GRID2: variants seen among roughly 807,000 people sequenced by gnomAD.
GRID2 encodes glutamate receptor ionotropic, delta-2.
GRID2 carries 33 observed loss-of-function variants against 114.8 expected under a neutral mutation model. The observed-to-expected ratio is 0.29, with a 90% CI of 0.22 to 0.38. GRID2 has a LOEUF of 0.38. Among genes scored for constraint, GRID2 ranks in the 10% least tolerant of loss-of-function variants. The probability of loss-of-function intolerance (pLI) is 1.00; values close to 1 mark genes in which losing one functional copy is unlikely to be tolerated. For missense variants in GRID2, 1,184 were observed against 1,257.7 expected, an observed-to-expected ratio of 0.94 and a Z score of 0.89; for synonymous variants, 505 against 449.9, an observed-to-expected ratio of 1.12 and a Z score of -1.55.
At position 92,527,031 on chromosome 4, in the gene GRID2, T is replaced by A. The variant is rs151233708; in HGVS notation, c.89-63100T>A. Among the ~76,000 whole-genome samples, 256 of 152,136 alleles carry A rather than the reference T, an allele frequency of 1.7e-3. 1 individual carries two copies. The highest frequency in any genetic ancestry group is 6.0e-3 in the African/African-American group (248 of 41,538). ...TTGTTTTGGTTTTGCTAGGTGAGTG[T>A]TTGTTAACATCAAGGGATGAGGATA... On this transcript the variant is annotated intron_variant, in intron 1 of 15. Coordinates refer to ENST00000282020, the MANE Select transcript of GRID2 (RefSeq NM_001510.4).
intron 8 of GRID2, among the ~76,000 whole-genome samples, chr4:93,328,616 A>G (rs140742938): frequency 7.9e-5 from 12 of 152,148 alleles, no homozygotes; most frequent in African/African-American, 2.9e-4. Flanking sequence ...ATTTATTCCA[A>G]ATTTCATGAG....
At chr4:92,715,155 C>T (rs1269041458) in intron 2 of GRID2, among the ~76,000 whole-genome samples, 2 of 152,156 alleles carry the variant, frequency 1.3e-5, no homozygotes, top group Non-Finnish European at 2.9e-5. Context: ...AATCATCTCT[C>T]TCAAAGTTCC....
chr4:92,383,613 TC>T (rs905151972), intron 1 of GRID2, among the ~76,000 whole-genome samples: 112 of 152,066 alleles, frequency 7.4e-4, no homozygotes, highest in African/African-American at 2.5e-3. Context: ...TGTTTTCGGA[TC>T]CTTTGTGTTG....
At chr4:92,710,669 C>T (rs1735202157) in intron 2 of GRID2, among the ~76,000 whole-genome samples, 2 of 152,160 alleles carry the variant, frequency 1.3e-5, no homozygotes, top group African/African-American at 2.4e-5. Context: ...TTCCTTGATA[C>T]ACCCTTGATA....
chr4:92,881,437 G>T (rs1415059912), intron 2 of GRID2, among the ~76,000 whole-genome samples: 1 of 152,182 alleles, frequency 6.6e-6, no homozygotes, highest in Middle Eastern at 3.4e-3. Flanking sequence ...ATACTAGAGG[G>T]TTCTCAAGGT....
intron 14 of GRID2, among the ~76,000 whole-genome samples, chr4:93,671,808 A>G (rs964588342): frequency 4.6e-5 from 7 of 151,692 alleles, no homozygotes; most frequent in African/African-American, 1.7e-4. Context: ...GTCTCTACCA[A>G]AAATACAAAA....
At chr4:93,115,504 G>C (rs183483401) in intron 4 of GRID2, among the ~76,000 whole-genome samples, 13 of 151,672 alleles carry the variant, frequency 8.6e-5, no homozygotes, top group Admixed American at 8.6e-4. Context: ...GTAACTTCTA[G>C]ATCATTCTAT....
chr4:93,795,498 C>T (rs1192457543), intron 1 of GRID2, among the ~76,000 whole-genome samples: 1 of 151,854 alleles, frequency 6.6e-6, no homozygotes, highest in Non-Finnish European at 1.5e-5. Flanking sequence ...GAACATGGTC[C>T]TTCAATTTAA....
At position 93,435,734 on chromosome 4, in the gene GRID2, A is replaced by G. The variant is rs143301293; in HGVS notation, c.1545+12766A>G. 6.3e-3 allele frequency among the ~76,000 whole-genome samples: 962 copies of G among 152,338 alleles called. 7 individuals carry two copies. The highest frequency in any genetic ancestry group is 0.022 in the African/African-American group (909 of 41,586). On this transcript the variant is annotated intron_variant, in intron 10 of 15. Transcript: ENST00000282020. The stretch of plus-strand genomic sequence containing the variant: ...TACCTTGCTCAAGGTCACATAGCCA[A>G]TAACTGGAAGAACCAGGATATTAGC...
intron 13 of GRID2, among the ~76,000 whole-genome samples, chr4:93,559,159 T>C (rs939911465): frequency 1.3e-5 from 2 of 152,080 alleles, no homozygotes; most frequent in African/African-American, 4.8e-5. Context: ...GCAATAGCAT[T>C]CAGGACATAG....
At chr4:93,174,004 A>G (rs949061054) in intron 4 of GRID2, among the ~76,000 whole-genome samples, 1 of 152,212 alleles carries the variant, frequency 6.6e-6, no homozygotes, top group African/African-American at 2.4e-5. Context: ...GAGAAATAAT[A>G]TAGAGTAATC....
At chr4:93,686,198 C>T (rs1369225692) in intron 14 of GRID2, among the ~76,000 whole-genome samples, 4 of 151,976 alleles carry the variant, frequency 2.6e-5, no homozygotes, top group Admixed American at 1.3e-4. Flanking sequence ...ACCCAATTAC[C>T]TAGCAGATGC....
At chr4:93,311,040 T>A (rs953159101) in intron 8 of GRID2, among the ~76,000 whole-genome samples, 4 of 152,102 alleles carry the variant, frequency 2.6e-5, no homozygotes, top group Non-Finnish European at 5.9e-5. Flanking sequence ...AATTTAGGAG[T>A]AATCACTATA....
chr4:93,496,135 A>AC, intron 12 of GRID2, among the ~76,000 whole-genome samples: 1 of 150,090 alleles, frequency 6.7e-6, no homozygotes, highest in African/African-American at 2.4e-5. Context: ...AAAAAAAAAA[A>AC]CAGGCTGTTT....
At chr4:93,286,122 A>T (rs1753128798) in intron 8 of GRID2, among the ~76,000 whole-genome samples, 1 of 152,130 alleles carries the variant, frequency 6.6e-6, no homozygotes, top group Non-Finnish European at 1.5e-5. Flanking sequence ...TATTTCAGTA[A>T]GTTGTGACTG....
intron 9 of GRID2, among the ~76,000 whole-genome samples, chr4:93,398,090 C>G (rs1488996928): frequency 7.4e-6 from 1 of 134,978 alleles, no homozygotes; most frequent in Non-Finnish European, 1.5e-5. Flanking sequence ...CAAGAGGAAA[C>G]TGAGACATCC....
At chr4:92,395,913 C>A (rs960157167) in intron 1 of GRID2, among the ~76,000 whole-genome samples, 1 of 151,750 alleles carries the variant, frequency 6.6e-6, no homozygotes, top group Non-Finnish European at 1.5e-5. Flanking sequence ...TTATAGAAAA[C>A]TACATTTTGT....
chr4:92,397,042 T>A (rs1730524912), intron 1 of GRID2, among the ~76,000 whole-genome samples: 1 of 152,054 alleles, frequency 6.6e-6, no homozygotes, highest in Non-Finnish European at 1.5e-5. Flanking sequence ...GTATTTTAGT[T>A]TTTTTTCAAG....
chr4:92,453,879 C>G (rs1051684655), intron 1 of GRID2, among the ~76,000 whole-genome samples: 22 of 151,960 alleles, frequency 1.4e-4, no homozygotes, highest in African/African-American at 5.3e-4. Flanking sequence ...AACTTAAGAC[C>G]ACTGACTGTT....
Sources: allele counts gnomAD v4.1 joint callset (sites outside exome capture counted in the v4.1 genomes callset), GRCh38; gene constraint gnomAD v4.1.1; transcripts MANE v1.5; gene names NCBI Gene and HGNC (gene_info 2026-07-23, HGNC 2026-07-21).